Variants in CASD1 observed in about 807,000 individuals in gnomAD.
CASD1 encodes the protein N-acetylneuraminate (7)9-O-acetyltransferase.
In CASD1, 41 loss-of-function variants were observed where a neutral mutation model predicts 100.0. That is an observed-to-expected ratio of 0.41 (90% CI 0.32 to 0.53). The LOEUF is 0.53. Ranked by LOEUF, CASD1 falls within the 20% of genes least tolerant of loss-of-function variation. CASD1 has a pLI of 0.25. For missense variants in CASD1, 774 were observed against 948.7 expected (o/e 0.82, Z 2.42); for synonymous variants, 321 against 315.6 (o/e 1.02, Z -0.18).
chr7:94,514,434 A>G (rs1793873521), intron 1 of CASD1, among the ~76,000 whole-genome samples: 1 of 152,158 alleles, frequency 6.6e-6, no homozygotes, highest in African/African-American at 2.4e-5. Flanking sequence ...TCGTATTTTA[A>G]TGGTTGGTAG....
intron 12 of CASD1, among the ~76,000 whole-genome samples, chr7:94,546,553 T>TATA (rs1274227036): frequency 6.6e-6 from 1 of 151,984 alleles, no homozygotes; most frequent in African/African-American, 2.4e-5. Flanking sequence ...GGACAGCCTC[T>TATA]GTAGTTTAAT....
chr7:94,564,098 C>T, the CASD1 span, among the ~76,000 whole-genome samples: 6 of 152,206 alleles, frequency 3.9e-5, no homozygotes, highest in Non-Finnish European at 7.4e-5. Flanking sequence ...GTTACCATAG[C>T]GAAGAAGCAA....
intron 12 of CASD1, among the ~76,000 whole-genome samples, chr7:94,546,037 G>C (rs1308127256): frequency 6.6e-6 from 1 of 151,928 alleles, no homozygotes; most frequent in African/African-American, 2.4e-5. Flanking sequence ...CTGGAAGAGA[G>C]AAGGGAAAGC....
chr7:94,580,807 T>C, the CASD1 span, among the ~76,000 whole-genome samples: 2 of 152,216 alleles, frequency 1.3e-5, no homozygotes, highest in South Asian at 2.1e-4. Context: ...CTGAAACATA[T>C]CATTCTCTTA....
intron 10 of CASD1, among the ~76,000 whole-genome samples, chr7:94,543,235 T>C (rs1421703619): frequency 6.6e-6 from 1 of 152,126 alleles, no homozygotes; most frequent in Non-Finnish European, 1.5e-5. Context: ...CCAGAAAAAA[T>C]ATCCGTCCAA....
chr7:94,601,623 A>G, the CASD1 span, among the ~76,000 whole-genome samples: 2 of 152,118 alleles, frequency 1.3e-5, no homozygotes, highest in Admixed American at 1.3e-4. Context: ...CTAAAATAAA[A>G]TGCTGGGGAG....
the CASD1 span, chr7:94,587,837 G>A: frequency 6.5e-7 from 1 of 1,532,636 alleles, no homozygotes; most frequent in East Asian, 2.5e-5. Flanking sequence ...AGCAGTAATA[G>A]AGAAGATAAT....
At chr7:94,605,158 A>G in the CASD1 span, among the ~76,000 whole-genome samples, 1 of 152,122 alleles carries the variant, frequency 6.6e-6, no homozygotes, top group Admixed American at 6.5e-5. Context: ...CTGAACAAGC[A>G]TCACACCGGA....
chr7:94,573,706 T>C, the CASD1 span, among the ~76,000 whole-genome samples: 1 of 151,654 alleles, frequency 6.6e-6, no homozygotes, highest in African/African-American at 2.4e-5. Context: ...TTTTCCTGTT[T>C]GGATGCCCTT....
At chr7:94,544,116 C>T (rs1353999322) in intron 10 of CASD1, among the ~76,000 whole-genome samples, 1 of 152,084 alleles carries the variant, frequency 6.6e-6, no homozygotes, top group African/African-American at 2.4e-5. Flanking sequence ...TCTCATTCAT[C>T]CTTCACAAGA....
chr7:94,557,830 G>A (rs1446998460), downstream of CASD1, among the ~76,000 whole-genome samples: 1 of 151,630 alleles, frequency 6.6e-6, no homozygotes, highest in Non-Finnish European at 1.5e-5. Flanking sequence ...TTCTTAATTA[G>A]TCTTAAAAGG....
chr7:94,562,134 C>G, the CASD1 span, among the ~76,000 whole-genome samples: 1 of 152,136 alleles, frequency 6.6e-6, no homozygotes, highest in Non-Finnish European at 1.5e-5. Flanking sequence ...AGTTCATTTG[C>G]TACTATCTTA....
At chr7:94,513,163 C>G (rs1554405941) in intron 1 of CASD1, among the ~76,000 whole-genome samples, 2 of 151,968 alleles carry the variant, frequency 1.3e-5, no homozygotes, top group Non-Finnish European at 2.9e-5. Context: ...ATGGTGAAAC[C>G]TCTTCTTCTT....
In CASD1 at chr7:94,551,268, C is replaced by T; in HGVS notation, c.1816-70C>T. On this transcript the variant is annotated intron_variant, in intron 14 of 17. Coordinates refer to ENST00000297273, the MANE Select transcript of CASD1 (RefSeq NM_022900.5). ...CCTACTTTTATTCATATATTCCTCA[C>T]TAACCAAATATTTTTCCTGTTTTTT... is the stretch of plus-strand genomic sequence containing the variant. The T allele has an allele frequency of 6.2e-6, 8 of 1,292,710 alleles. No homozygotes were observed. The South Asian group carries it at 1.2e-4, about 20-fold the overall frequency. The allele number at this position is 1,292,710 out of a possible 1,614,324, so 80.1% of individuals were successfully genotyped here.
chr7:94,566,980 A>G, the CASD1 span, among the ~76,000 whole-genome samples: 1 of 152,126 alleles, frequency 6.6e-6, no homozygotes, highest in East Asian at 1.9e-4. Flanking sequence ...TGGATCCTCT[A>G]GCAGTTTATA....
At chr7:94,530,907 T>A (rs1761135200) in intron 5 of CASD1, among the ~76,000 whole-genome samples, 1 of 152,068 alleles carries the variant, frequency 6.6e-6, no homozygotes, top group African/African-American at 2.4e-5. Context: ...GTAAGGATTT[T>A]AAAAGATGGG....
At chr7:94,591,635 CTT>C in the CASD1 span, among the ~76,000 whole-genome samples, 1 of 152,146 alleles carries the variant, frequency 6.6e-6, no homozygotes, top group Non-Finnish European at 1.5e-5. Context: ...CCCCACTTCT[CTT>C]GTTGGCCCTC....
chr7:94,525,919 T>C (rs755684389), intron 3 of CASD1, among the ~76,000 whole-genome samples: 1 of 152,246 alleles, frequency 6.6e-6, no homozygotes. Context: ...AATTAGCTTC[T>C]TACTGACCAC....
chr7:94,542,834 C>A (rs1423281861), intron 10 of CASD1, among the ~76,000 whole-genome samples: 2 of 152,120 alleles, frequency 1.3e-5, no homozygotes, highest in African/African-American at 4.8e-5. Flanking sequence ...ACATTTCCTG[C>A]CTCCATCCTT....
Sources: gnomAD v4.1 joint callset for allele counts (sites outside exome capture counted in the v4.1 genomes callset) on GRCh38, gnomAD v4.1.1 for gene constraint, MANE v1.5 for transcripts, NCBI Gene and HGNC (gene_info 2026-07-23, HGNC 2026-07-21) for gene names.